The following MEX3D variants were observed in gnomAD, a reference collection of about 807,000 sequenced individuals.
MEX3D encodes mex-3 RNA binding family member D, also known as RNA-binding protein MEX3D.
MEX3D carries 4 observed loss-of-function variants against 6.3 expected under a neutral mutation model. The observed-to-expected ratio is 0.64, with a 90% CI of 0.31 to 1.46. The LOEUF is 1.46. Among genes scored for constraint, MEX3D ranks in the 40% most tolerant of loss-of-function variants. The probability of loss-of-function intolerance (pLI) is 0.07; values close to 1 mark genes in which losing one functional copy is unlikely to be tolerated. For synonymous variants in MEX3D, 626 were observed against 494.1 expected, an observed-to-expected ratio of 1.27 and a Z score of -3.54; for missense variants, 1,038 against 994.4, an observed-to-expected ratio of 1.04 and a Z score of -0.59.
At position 1,556,252 on chromosome 19, in the gene MEX3D, G is replaced by A; in HGVS notation, c.1267C>T (p.Pro423Ser). 2 of 1,359,464 alleles carry A rather than the reference G, an allele frequency of 1.5e-6. No individual in the cohort carries two copies. The highest frequency in any genetic ancestry group is 9.4e-7 in the Non-Finnish European group (1 of 1,060,508). The allele number at this position is 1,359,464 out of a possible 1,614,324, so 84.2% of individuals were successfully genotyped here. Residue 423 changes from proline to serine, a missense_variant, in exon 2 of 2, where the codon CCC (proline) becomes TCC (serine). Physicochemically the swap from Pro to Ser is moderately conservative, Grantham distance 74. Around this residue, in one of 5 missense-constraint regions of MEX3D, gnomAD observed 581 missense variants for 516.2 expected, o/e 1.13. Transcript: ENST00000402693. This position sits in a 1 kb window ranked among gnomAD's most constrained non-coding sequence, Gnocchi z 7.5. Reference sequence around the variant, plus strand: ...CCCCCGTTGCCGGAGCCGCTGTAGGGGCTGGCGGGGCCTGGGTCCGGCACG... The same window carrying A: ...CCCCCGTTGCCGGAGCCGCTGTAGGAGCTGGCGGGGCCTGGGTCCGGCACG... ...PSVPDPGPAS[P>S]YSGSGNGGFA...
At chr19:1,560,539 C>T (rs1327531732) in intron 1 of MEX3D, among the ~76,000 whole-genome samples, 1 of 152,220 alleles carries the variant, frequency 6.6e-6, no homozygotes, top group Non-Finnish European at 1.5e-5. Context: ...CACCGCTGAG[C>T]TCACAGGCTG....
intron 1 of MEX3D, among the ~76,000 whole-genome samples, chr19:1,558,054 A>G (rs1914622249): frequency 6.7e-6 from 1 of 148,638 alleles, no homozygotes; most frequent in African/African-American, 2.5e-5. Context: ...CATTTCAAAA[A>G]AAAAAAAAAA....
In MEX3D at chr19:1,567,992, C is replaced by T; in HGVS notation, c.67G>A (p.Ala23Thr). 1.0e-6 allele frequency: 1 copy of T among 978,610 alleles called. No homozygotes were observed. The highest frequency in any genetic ancestry group is 1.2e-6 in the Non-Finnish European group (1 of 827,532). The allele number at this position is 978,610 out of a possible 1,614,324, so 60.6% of individuals were successfully genotyped here. The change falls in exon 1 of 2, where the codon GCG becomes ACG. Residue 23 changes from alanine (A) to threonine (T), a missense_variant. By Grantham distance (58) the Ala-to-Thr change is moderately conservative (BLOSUM62 0). Coordinates refer to ENST00000402693, the MANE Select transcript of MEX3D (RefSeq NM_203304.4). This position sits in a 1 kb window ranked among gnomAD's most constrained non-coding sequence, Gnocchi z 6.5. ...GGGGGGGGVG[A>T]AGEDPGPGPA... ...CCGGGTCCGGGGTCCTCCCCCGCCGCCCCCACGCCGCCGCCGCCGCCGCCC... is the reference window on the plus strand; with the variant it reads ...CCGGGTCCGGGGTCCTCCCCCGCCGTCCCCACGCCGCCGCCGCCGCCGCCC...
In MEX3D at chr19:1,556,236, C is replaced by T; in HGVS notation, c.1283G>A (p.Gly428Asp). ...PGPASPYSGS[G>D]NGGFAFGAEG... ...CGCGCCGAAGGCGAAGCCCCCGTTG[C>T]CGGAGCCGCTGTAGGGGCTGGCGGG... is the stretch of plus-strand genomic sequence containing the variant. The change falls in exon 2 of 2, where the codon GGC becomes GAC. Residue 428 changes from glycine (G) to aspartate (D), a missense_variant. Physicochemically the swap from Gly to Asp is moderately conservative, Grantham distance 94 (BLOSUM62 -1). Transcript: ENST00000402693. This position sits in a 1 kb window ranked among gnomAD's most constrained non-coding sequence, Gnocchi z 7.5. 6 of 1,398,088 alleles carry T rather than the reference C, an allele frequency of 4.3e-6. No individual in the cohort carries two copies. The highest frequency in any genetic ancestry group is 9.3e-7 in the Non-Finnish European group (1 of 1,077,520). The allele number at this position is 1,398,088 out of a possible 1,614,324, so 86.6% of individuals were successfully genotyped here.
Position 1,556,538 on chromosome 19 carries a change from C to T in MEX3D, c.981G>A (p.Val327=). The T allele has an allele frequency of 6.2e-7, 1 of 1,607,440 alleles. No homozygotes were observed. The highest frequency in any genetic ancestry group is 2.2e-5 in the East Asian group (1 of 44,706). ...VFAVTGMPEN[V]DRAREEIEAH... is the part of the protein sequence containing the mutation. The stretch of plus-strand genomic sequence containing the variant: ...CCTCGATCTCCTCGCGCGCGCGGTC[C>T]ACGTTCTCGGGCATCCCAGTGACCG... The change falls in exon 2 of 2, where the codon GTG becomes GTA. Residue 327 remains valine, a synonymous_variant. Transcript: ENST00000402693. This position sits in a 1 kb window ranked among gnomAD's most constrained non-coding sequence, Gnocchi z 7.5.
rs1914567693 is a variant in MEX3D, at chr19:1,556,508, G to A, written c.1011C>T (p.His337=). ...VDRAREEIEA[H]ITLRTGAFTD... Reference sequence around the variant, plus strand: ...TGAAGGCGCCAGTGCGCAGCGTGATGTGCGCCTCGATCTCCTCGCGCGCGC... The same window carrying A: ...TGAAGGCGCCAGTGCGCAGCGTGATATGCGCCTCGATCTCCTCGCGCGCGC... Residue 337 remains histidine (H), a synonymous_variant, in exon 2 of 2, where the codon CAC becomes CAT. Transcript: ENST00000402693. This position sits in a 1 kb window ranked among gnomAD's most constrained non-coding sequence, Gnocchi z 7.5. 1 of 1,605,914 alleles carries A rather than the reference G, an allele frequency of 6.2e-7. No individual in the cohort carries two copies. The highest frequency in any genetic ancestry group is 8.5e-7 in the Non-Finnish European group (1 of 1,177,796).
In MEX3D at chr19:1,555,582, G is replaced by A; in HGVS notation, c.1937C>T (p.Ala646Val). The A allele has an allele frequency of 1.3e-6, 2 of 1,587,354 alleles. No homozygotes were observed. Among genetic ancestry groups the A allele is most frequent in the Non-Finnish European group, 1.7e-6 (2 of 1,169,012 alleles). ...CPACRTPATQ[A>V]IHIFS Reference sequence around the variant, plus strand: ...CGCGCTCTAGGAAAAGATATGAATGGCCTGGGTGGCCGGCGTGCGGCAGGC... The same window carrying A: ...CGCGCTCTAGGAAAAGATATGAATGACCTGGGTGGCCGGCGTGCGGCAGGC... Residue 646 changes from alanine (A) to valine (V), a missense_variant, in exon 2 of 2, where the codon GCC becomes GTC. By Grantham distance (64) the Ala-to-Val change is moderately conservative. Coordinates refer to ENST00000402693, the MANE Select transcript of MEX3D (RefSeq NM_203304.4).
At chr19:1,559,543 G>A (rs1330248019) in intron 1 of MEX3D, among the ~76,000 whole-genome samples, 1 of 152,214 alleles carries the variant, frequency 6.6e-6, no homozygotes, top group East Asian at 1.9e-4. Context: ...TGGGATGACA[G>A]GTGTGGGCCA....
rs931961096 is a variant in MEX3D, at chr19:1,568,265, T to G, written c.-207A>C. On this transcript the variant is annotated 5_prime_UTR_variant, in exon 1 of 2. Coordinates refer to ENST00000402693, the MANE Select transcript of MEX3D (RefSeq NM_203304.4). The stretch of plus-strand genomic sequence containing the variant: ...GCCGGGCGGCGGCAGCGACTCTGGC[T>G]GCGGCTCGGCGGCGGCGGCGACGGC... Among the ~76,000 whole-genome samples, 712 of 132,880 alleles carry G rather than the reference T, an allele frequency of 5.4e-3. 11 individuals are homozygous for G. The highest frequency in any genetic ancestry group is 0.02 in the Admixed American group (275 of 13,760). The allele number at this position is 132,880 out of a possible 152,430, so 87.2% of individuals were successfully genotyped here. A position where few individuals can be genotyped will look rare whatever the true frequency, so the allele number is the denominator to read the frequency against.
At chr19:1,561,691 G>A (rs943609445) in intron 1 of MEX3D, among the ~76,000 whole-genome samples, 7 of 152,040 alleles carry the variant, frequency 4.6e-5, no homozygotes, top group Non-Finnish European at 1.0e-4. Flanking sequence ...GTCACCTGTC[G>A]CCCAGGCTGG....
chr19:1,557,003 G>A (rs1408024333), intron 1 of MEX3D, 80 bp from the exon 2 acceptor site: 6 of 1,481,654 alleles, frequency 4.0e-6, no homozygotes, highest in East Asian at 4.6e-5. Context: ...CAGGCTGCAG[G>A]GCCAGTGAGG....
chr19:1,565,544 A>C (rs1006925252), intron 1 of MEX3D, among the ~76,000 whole-genome samples: 1 of 152,162 alleles, frequency 6.6e-6, no homozygotes, highest in Non-Finnish European at 1.5e-5. Context: ...TCCGTCTCAT[A>C]AATAAATAAA....
chr19:1,567,623 C>T lies in MEX3D; in HGVS notation c.436G>A (p.Val146Met). 7.7e-7 allele frequency: 1 copy of T among 1,294,686 alleles called. No homozygotes were observed. Among genetic ancestry groups the T allele is most frequent in the African/African-American group, 1.6e-5 (1 of 63,966 alleles). 80.2% of individuals were successfully genotyped at this position (1,294,686 alleles called of 1,614,324 possible). A position where few individuals can be genotyped will look rare whatever the true frequency, so the allele number is the denominator to read the frequency against. ...PPPPRPSPPD[V>M]FAGFAPHPAA... ...GGGTGGGGCGCGAAGCCCGCGAACA[C>T]GTCGGGGGGCGACGGCCGGGGCGGC... Residue 146 changes from valine (V) to methionine (M), a missense_variant, in exon 1 of 2, where the codon GTG becomes ATG. Around this residue, in one of 5 missense-constraint regions of MEX3D, gnomAD observed 265 missense variants for 206.3 expected, o/e 1.28. Coordinates refer to ENST00000402693, the MANE Select transcript of MEX3D (RefSeq NM_203304.4). This position sits in a 1 kb window ranked among gnomAD's most constrained non-coding sequence, Gnocchi z 6.5.
Position 1,555,859 on chromosome 19 carries a change from C to A in MEX3D, c.1660G>T (p.Gly554Cys). Residue 554 changes from glycine to cysteine, a missense_variant, in exon 2 of 2, where the codon GGC becomes TGC. Physicochemically the swap from Gly to Cys is radical, Grantham distance 159. This residue lies in a region of MEX3D where 581 missense variants were observed against 516.2 expected (regional missense o/e 1.13). Transcript: ENST00000402693. ...RPPQGPVSFP[G>C]GAAFSTATSL... Reference sequence around the variant, plus strand: ...GTGGCCGTGGAGAAGGCGGCGCCGCCTGGGAAGGATACGGGGCCCTGCGGG... The same window carrying A: ...GTGGCCGTGGAGAAGGCGGCGCCGCATGGGAAGGATACGGGGCCCTGCGGG... 7.5e-7 allele frequency: 1 copy of A among 1,331,098 alleles called. No individual in the cohort carries two copies. The highest frequency in any genetic ancestry group is 9.6e-7 in the Non-Finnish European group (1 of 1,046,126). 82.5% of individuals were successfully genotyped at this position (1,331,098 alleles called of 1,614,324 possible).
Position 1,555,990 on chromosome 19 carries a change from G to A in MEX3D, c.1529C>T (p.Thr510Ile), listed in dbSNP as rs893964101. 206 of 1,199,998 alleles carry A rather than the reference G, an allele frequency of 1.7e-4. No individual in the cohort carries two copies. The highest frequency in any genetic ancestry group is 1.2e-3 in the Admixed American group (24 of 20,864). 74.3% of individuals were successfully genotyped at this position (1,199,998 alleles called of 1,614,324 possible). A position where few individuals can be genotyped will look rare whatever the true frequency, so the allele number is the denominator to read the frequency against. ...AGARRSSGAGTPRHSPTLPEP... is the reference protein window; with the variant it reads ...AGARRSSGAGIPRHSPTLPEP... ...GGGCAGCGTGGGCGAGTGGCGGGGGGTCCCGGCCCCACTGCTGCGCCGGGC... is the reference window on the plus strand; with the variant it reads ...GGGCAGCGTGGGCGAGTGGCGGGGGATCCCGGCCCCACTGCTGCGCCGGGC... The change falls in exon 2 of 2, where the codon ACC becomes ATC. Residue 510 changes from threonine to isoleucine, a missense_variant. Physicochemically the swap from Thr to Ile is moderately conservative, Grantham distance 89 (BLOSUM62 -1). This residue lies in a region of MEX3D where 581 missense variants were observed against 516.2 expected (regional missense o/e 1.13). Coordinates refer to ENST00000402693, the MANE Select transcript of MEX3D (RefSeq NM_203304.4).
chr19:1,557,746 G>A (rs1167873820), intron 1 of MEX3D, among the ~76,000 whole-genome samples: 3 of 150,436 alleles, frequency 2.0e-5, no homozygotes, highest in Non-Finnish European at 4.4e-5. Flanking sequence ...GTAGTCCCAG[G>A]TACTCGGGAG....
In MEX3D at chr19:1,555,242, C is replaced by A; in HGVS notation, c.*321G>T. 7.6e-7 allele frequency: 1 copy of A among 1,311,912 alleles called. No individual in the cohort carries two copies. Among genetic ancestry groups the A allele is most frequent in the South Asian group, 1.3e-5 (1 of 74,538 alleles). 81.3% of individuals were successfully genotyped at this position (1,311,912 alleles called of 1,614,324 possible). Reference sequence around the variant, plus strand: ...TTTTTTGTTTTGCTTTTTTAAAGATCACCCTGGAGGGGAGGGGTGTCTAAA... The same window carrying A: ...TTTTTTGTTTTGCTTTTTTAAAGATAACCCTGGAGGGGAGGGGTGTCTAAA... On this transcript the variant is annotated 3_prime_UTR_variant, in exon 2 of 2. Coordinates refer to ENST00000402693, the MANE Select transcript of MEX3D (RefSeq NM_203304.4).
At position 1,556,415 on chromosome 19, in the gene MEX3D, C is replaced by T; in HGVS notation, c.1104G>A (p.Ala368=). The part of the protein sequence containing the change: ...GTDVCLDLLG[A]AASLWAKTPN... ...GGGTCTTGGCCCAGAGGCTGGCGGC[C>T]GCCCCGAGCAGGTCCAGGCAGACGT... Residue 368 remains alanine, a synonymous_variant, in exon 2 of 2, where the codon GCG becomes GCA. Coordinates refer to ENST00000402693, the MANE Select transcript of MEX3D (RefSeq NM_203304.4). This position sits in a 1 kb window ranked among gnomAD's most constrained non-coding sequence, Gnocchi z 7.5. 1 of 1,578,846 alleles carries T rather than the reference C, an allele frequency of 6.3e-7. No individual in the cohort carries two copies. Among genetic ancestry groups the T allele is most frequent in the Non-Finnish European group, 8.6e-7 (1 of 1,169,190 alleles).
chr19:1,555,507 T>TC lies in MEX3D; in HGVS notation c.*55dup, dbSNP rs1191634724. On this transcript the variant is annotated 3_prime_UTR_variant, in exon 2 of 2. Coordinates refer to ENST00000402693, the MANE Select transcript of MEX3D (RefSeq NM_203304.4). ...CTCCCACCCCGGGTCCCGCCCCGTC[T>TC]CCCGCGCCCACCCCTGGCCCCCGCA... 12 of 1,401,018 alleles carry TC rather than the reference T, an allele frequency of 8.6e-6. No individual in the cohort carries two copies. The highest frequency in any genetic ancestry group is 1.1e-5 in the Non-Finnish European group (12 of 1,055,408). The allele number at this position is 1,401,018 out of a possible 1,614,324, so 86.8% of individuals were successfully genotyped here. A position where few individuals can be genotyped will look rare whatever the true frequency, so the allele number is the denominator to read the frequency against.
Sources: allele counts gnomAD v4.1 joint callset (sites outside exome capture counted in the v4.1 genomes callset), GRCh38; gene constraint gnomAD v4.1.1; regional missense constraint gnomAD v4.1.1; non-coding constraint Gnocchi (gnomAD v3.1); transcripts MANE v1.5; gene names NCBI Gene and HGNC (gene_info 2026-07-23, HGNC 2026-07-21).